The following CFAP299 variants were observed in gnomAD, a reference collection of about 807,000 sequenced individuals.
CFAP299 encodes cilia- and flagella-associated protein 299.
A neutral mutation model predicts 27.0 loss-of-function variants in CFAP299; 21 were observed. The ratio of observed to expected loss-of-function variants is 0.78; its 90% CI spans 0.55 to 1.12. CFAP299 has a LOEUF of 1.12. Ranked by LOEUF, CFAP299 falls within the 50% of genes most tolerant of loss-of-function variation. The pLI, the probability that CFAP299 is intolerant of heterozygous loss-of-function variation, is 0.00. For synonymous variants in CFAP299, 104 were observed against 98.1 expected (o/e 1.06, Z -0.36); for missense variants, 310 against 276.6 (o/e 1.12, Z -0.86).
intron 2 of CFAP299, among the ~76,000 whole-genome samples, chr4:80,457,400 C>T (rs891605389): frequency 6.6e-6 from 1 of 152,086 alleles, no homozygotes; most frequent in African/African-American, 2.4e-5. Context: ...GAGGGTGAGG[C>T]CATGTGCCAC....
rs183543095 is a variant in CFAP299 at position 80,682,775 on chromosome 4, A to G, written c.333+99592A>G. The stretch of plus-strand genomic sequence containing the variant: ...TTCACTTTTCAAGTTTCATTCTATC[A>G]TTCTCACCCATTAGGCCTCCTTCCA... On this transcript the variant is annotated intron_variant, in intron 3 of 5. Coordinates refer to ENST00000358105, the MANE Select transcript of CFAP299 (RefSeq NM_152770.3). Among the ~76,000 whole-genome samples the G allele has an allele frequency of 3.0e-3, 449 of 152,148 alleles. 2 individuals carry two copies. Among genetic ancestry groups the G allele is most frequent in the African/African-American group, 0.01 (436 of 41,528 alleles).
intron 3 of CFAP299, among the ~76,000 whole-genome samples, chr4:80,800,820 A>ATATAT (rs1243129501): frequency 7.1e-6 from 1 of 141,798 alleles, no homozygotes; most frequent in African/African-American, 2.7e-5. Flanking sequence ...GTATTAACTC[A>ATATAT]CATGATCACA....
chr4:80,928,368 T>C (rs1314960420), intron 4 of CFAP299, among the ~76,000 whole-genome samples: 1 of 152,104 alleles, frequency 6.6e-6, no homozygotes, highest in East Asian at 1.9e-4. Context: ...TCTCCCATTA[T>C]ACTGATTTCT....
At chr4:80,362,595 T>C (rs1293302772) in intron 1 of CFAP299, among the ~76,000 whole-genome samples, 159 bp from the exon 2 acceptor site, 1 of 149,942 alleles carries the variant, frequency 6.7e-6, no homozygotes, top group African/African-American at 2.4e-5. Context: ...AAAATTCTAG[T>C]TTTTTTATAT....
At chr4:80,416,180 T>C (rs1280170141) in intron 2 of CFAP299, among the ~76,000 whole-genome samples, 1 of 152,208 alleles carries the variant, frequency 6.6e-6, no homozygotes, top group Non-Finnish European at 1.5e-5. Context: ...GGCACTGGGG[T>C]TGTTAAAATG....
intron 3 of CFAP299, among the ~76,000 whole-genome samples, chr4:80,638,935 T>C (rs1739587108): frequency 6.6e-6 from 1 of 152,160 alleles, no homozygotes; most frequent in Non-Finnish European, 1.5e-5. Context: ...AGATTTCTAT[T>C]GAGAGTTCTC....
At chr4:80,707,281 A>G (rs1721878641) in intron 3 of CFAP299, among the ~76,000 whole-genome samples, 1 of 151,962 alleles carries the variant, frequency 6.6e-6, no homozygotes, top group African/African-American at 2.4e-5. Flanking sequence ...CTGGTTTTTA[A>G]GTGTTGAAAT....
intron 4 of CFAP299, among the ~76,000 whole-genome samples, chr4:80,880,442 ATAT>A (rs368080643): frequency 1.3e-5 from 2 of 152,318 alleles, no homozygotes; most frequent in African/African-American, 4.8e-5. Flanking sequence ...CGGTTAAGAA[ATAT>A]AATCGTCCAG....
intron 3 of CFAP299, among the ~76,000 whole-genome samples, chr4:80,757,542 A>G (rs916512584): frequency 3.3e-5 from 5 of 152,162 alleles, no homozygotes; most frequent in Admixed American, 2.0e-4. Flanking sequence ...ACTAATGTCA[A>G]GACAATCTTT....
chr4:80,549,305 C>T (rs4495031), intron 2 of CFAP299, among the ~76,000 whole-genome samples: 152,247 of 152,248 alleles, frequency 1, 76,123 homozygotes, highest in Non-Finnish European at 1. Context: ...GGGTTTAGAA[C>T]AGTGGGAGAA....
chr4:80,729,376 T>A (rs2110053592), intron 3 of CFAP299, among the ~76,000 whole-genome samples: 1 of 152,234 alleles, frequency 6.6e-6, no homozygotes, highest in Non-Finnish European at 1.5e-5. Context: ...GTCATCCTGT[T>A]CCCTTGAGCA....
At chr4:80,431,494 C>T (rs1296587799) in intron 2 of CFAP299, among the ~76,000 whole-genome samples, 3 of 151,496 alleles carry the variant, frequency 2.0e-5, no homozygotes, top group African/African-American at 7.3e-5. Context: ...TCCGTTTCCT[C>T]CTCCTCCTCC....
intron 2 of CFAP299, among the ~76,000 whole-genome samples, chr4:80,500,936 A>T (rs1390302656): frequency 6.6e-6 from 1 of 152,126 alleles, no homozygotes; most frequent in African/African-American, 2.4e-5. Context: ...GTTAAAAATT[A>T]CTGGAATAAC....
At chr4:80,723,389 A>G (rs1722952306) in intron 3 of CFAP299, among the ~76,000 whole-genome samples, 1 of 152,236 alleles carries the variant, frequency 6.6e-6, no homozygotes, top group African/African-American at 2.4e-5. Context: ...GTAAAATACC[A>G]TGAAGTAAAT....
In CFAP299 at chr4:80,688,050, G is replaced by A. The variant is rs545806771; in HGVS notation, c.333+104867G>A. 4.5e-4 allele frequency among the ~76,000 whole-genome samples: 69 copies of A among 152,340 alleles called. 1 individual carries two copies. In the East Asian group the frequency reaches 8.7e-3, roughly 19 times the overall value. The stretch of plus-strand genomic sequence containing the variant: ...GCTCGGAGGGTCCTACACCCACGGA[G>A]TCTCGCTGATTGGTAGCACAGCAGT... On this transcript the variant is annotated intron_variant, in intron 3 of 5. Coordinates refer to ENST00000358105, the MANE Select transcript of CFAP299 (RefSeq NM_152770.3).
At chr4:80,804,851 G>A (rs549147115) in intron 3 of CFAP299, among the ~76,000 whole-genome samples, 238 of 152,182 alleles carry the variant, frequency 1.6e-3, no homozygotes, top group African/African-American at 5.4e-3. Flanking sequence ...TGACTGGAGA[G>A]TTTAATCAAT....
At chr4:80,842,181 G>A (rs1428027660) in intron 3 of CFAP299, among the ~76,000 whole-genome samples, 1 of 152,098 alleles carries the variant, frequency 6.6e-6, no homozygotes, top group African/African-American at 2.4e-5. Flanking sequence ...ACTGTATGTT[G>A]TTGAGCAATA....
intron 3 of CFAP299, among the ~76,000 whole-genome samples, chr4:80,811,378 C>T (rs947382483): frequency 6.6e-6 from 1 of 152,116 alleles, no homozygotes; most frequent in Non-Finnish European, 1.5e-5. Context: ...ATTTGCTTCT[C>T]ACATTAATTC....
intron 3 of CFAP299, among the ~76,000 whole-genome samples, chr4:80,749,701 C>A (rs1240788555): frequency 6.6e-6 from 1 of 152,204 alleles, no homozygotes; most frequent in Non-Finnish European, 1.5e-5. Flanking sequence ...AAGCATCCAG[C>A]ACGGGAGAAA....
Sources: gnomAD v4.1 joint callset for allele counts (sites outside exome capture counted in the v4.1 genomes callset) on GRCh38, gnomAD v4.1.1 for gene constraint, MANE v1.5 for transcripts, NCBI Gene and HGNC (gene_info 2026-07-23, HGNC 2026-07-21) for gene names.